TBK1: variants seen among roughly 807,000 people sequenced by gnomAD.
TBK1 encodes the protein serine/threonine-protein kinase TBK1.
In TBK1, 37 loss-of-function variants were observed where a neutral mutation model predicts 99.9. The ratio of observed to expected loss-of-function variants is 0.37; its 90% CI spans 0.28 to 0.49. The LOEUF (loss-of-function observed/expected upper bound fraction) is 0.49, where lower values mean the gene tolerates loss of function less well. Among genes scored for constraint, TBK1 ranks in the 20% least tolerant of loss-of-function variants. TBK1 has a pLI of 0.98. For missense variants in TBK1, 644 were observed against 872.5 expected, an observed-to-expected ratio of 0.74 and a Z score of 3.30; for synonymous variants, 258 against 279.8, an observed-to-expected ratio of 0.92 and a Z score of 0.78.
chr12:64,476,150 CTTTTTT>C (rs59104364), intron 6 of TBK1, among the ~76,000 whole-genome samples: 39 of 51,822 alleles, frequency 7.5e-4, no homozygotes, highest in Admixed American at 1.2e-3. Context: ...GCGTAGTCTT[CTTTTTT>C]TTTTTTTTTT....
At position 64,482,033 on chromosome 12, in the gene TBK1, T is replaced by G; in HGVS notation, c.992+12T>G. The G allele has an allele frequency of 6.8e-7, 1 of 1,475,158 alleles. No individual in the cohort carries two copies. The highest frequency in any genetic ancestry group is 9.1e-7 in the Non-Finnish European group (1 of 1,101,872). 91.4% of individuals were successfully genotyped at this position (1,475,158 alleles called of 1,614,324 possible). On this transcript the variant is annotated intron_variant, in intron 8 of 20. Transcript: ENST00000331710. ...CATAGCTATAATACGTAAGTATCTC[T>G]ATTTTCTTCTTGTATCAACATGTTC...
chr12:64,477,492 A>G (rs1006361716), intron 6 of TBK1, among the ~76,000 whole-genome samples: 18 of 152,180 alleles, frequency 1.2e-4, no homozygotes, highest in African/African-American at 4.3e-4. Flanking sequence ...TGATTGTTCT[A>G]CATTTATTTT....
At chr12:64,499,037 C>CTTTTTTTT (rs763709411) in intron 20 of TBK1, among the ~76,000 whole-genome samples, 1 of 79,258 alleles carries the variant, frequency 1.3e-5, no homozygotes. Flanking sequence ...TAATTTTATT[C>CTTTTTTTT]TTTTTTTTTT....
intron 3 of TBK1, among the ~76,000 whole-genome samples, chr12:64,461,011 G>A (rs1412911962): frequency 6.6e-6 from 1 of 151,598 alleles, no homozygotes; most frequent in African/African-American, 2.4e-5. Flanking sequence ...AGCCTGAGAG[G>A]TCAAGGCTAT....
At chr12:64,458,642 A>G (rs1310851895) in intron 2 of TBK1, among the ~76,000 whole-genome samples, 2 of 152,164 alleles carry the variant, frequency 1.3e-5, no homozygotes, top group Non-Finnish European at 2.9e-5. Flanking sequence ...TCTCACAGGC[A>G]TGATGTAGTC....
In TBK1 at chr12:64,483,889, C is replaced by A. The variant is rs549648006; in HGVS notation, c.993-414C>A. On this transcript the variant is annotated intron_variant, in intron 8 of 20. Transcript: ENST00000331710. ...GGGTGTGGTGGTGCATGTTTGTAAT[C>A]CCAGCTACTCAGGAGGCTGAGGCAC... is the stretch of plus-strand genomic sequence containing the variant. Among the ~76,000 whole-genome samples, 90 of 152,138 alleles carry A rather than the reference C, an allele frequency of 5.9e-4. 1 individual carries two copies. The highest frequency in any genetic ancestry group is 1.8e-4 in the Non-Finnish European group (12 of 68,004).
chr12:64,467,091 T>C lies in TBK1; in HGVS notation c.540+9T>C, dbSNP rs533215475. The C allele has an allele frequency of 5.2e-6, 8 of 1,548,366 alleles. No individual in the cohort carries two copies. The highest frequency in any genetic ancestry group is 1.2e-5 in the South Asian group (1 of 80,928). Reference sequence around the variant, plus strand: ...GCACAGAAGAATATTTGGTAAGTCATGTATCACTAATATTTTCATTTAAAG... The same window carrying C: ...GCACAGAAGAATATTTGGTAAGTCACGTATCACTAATATTTTCATTTAAAG... On this transcript the variant is annotated intron_variant, in intron 5 of 20. Transcript: ENST00000331710.
intron 8 of TBK1, among the ~76,000 whole-genome samples, chr12:64,483,272 TTC>T (rs1375076616): frequency 3.9e-5 from 6 of 152,190 alleles, no homozygotes; most frequent in African/African-American, 1.4e-4. Context: ...CATAAATATA[TTC>T]ATTTCCTATG....
chr12:64,498,957 A>G (rs948720443), intron 20 of TBK1, among the ~76,000 whole-genome samples: 2 of 148,308 alleles, frequency 1.3e-5, no homozygotes, highest in African/African-American at 4.9e-5. Flanking sequence ...CCCTGTTTCA[A>G]AAAAAAAAAA....
chr12:64,455,283 G>A (rs1182028590), intron 1 of TBK1, among the ~76,000 whole-genome samples: 4 of 152,070 alleles, frequency 2.6e-5, no homozygotes, highest in African/African-American at 4.8e-5. Flanking sequence ...ACTGCTCCCA[G>A]CTGAAACTTA....
chr12:64,466,858 T>TCTAC, intron 4 of TBK1, 43 bp from the exon 5 acceptor site: 7 of 1,462,708 alleles, frequency 4.8e-6, no homozygotes, highest in Non-Finnish European at 5.5e-6. Flanking sequence ...CACATACACG[T>TCTAC]AAATATCTAC....
At chr12:64,475,407 A>G (rs968591638) in intron 6 of TBK1, among the ~76,000 whole-genome samples, 15 of 152,154 alleles carry the variant, frequency 9.9e-5, no homozygotes, top group African/African-American at 2.7e-4. Flanking sequence ...AGAAGTGTTC[A>G]GCCCTTGTCT....
intron 11 of TBK1, among the ~76,000 whole-genome samples, chr12:64,486,771 TA>T (rs973830700): frequency 2.0e-5 from 3 of 152,270 alleles, no homozygotes; most frequent in African/African-American, 7.2e-5. Context: ...CATTTAAGCA[TA>T]CAGTTTAATG....
chr12:64,462,316 A>G (rs902433820), intron 3 of TBK1, among the ~76,000 whole-genome samples: 1 of 152,250 alleles, frequency 6.6e-6, no homozygotes, highest in African/African-American at 2.4e-5. Flanking sequence ...GGTAATGAAA[A>G]GAGATATTTA....
chr12:64,471,446 G>C (rs920917713), intron 5 of TBK1, among the ~76,000 whole-genome samples: 1 of 152,070 alleles, frequency 6.6e-6, no homozygotes, highest in Non-Finnish European at 1.5e-5. Flanking sequence ...TCCACCTCCT[G>C]GATTCAAGCA....
chr12:64,495,202 A>C (rs1338768114), intron 13 of TBK1, among the ~76,000 whole-genome samples: 1 of 152,226 alleles, frequency 6.6e-6, no homozygotes, highest in African/African-American at 2.4e-5. Context: ...ATAAGGAAAC[A>C]AGATTAGAAG....
At chr12:64,454,246 T>C (rs1475666054) in intron 1 of TBK1, among the ~76,000 whole-genome samples, 3 of 152,124 alleles carry the variant, frequency 2.0e-5, no homozygotes, top group Non-Finnish European at 4.4e-5. Context: ...GTTGTTTTTG[T>C]TTGTTTTTGT....
At chr12:64,461,096 A>T (rs115291447) in intron 3 of TBK1, among the ~76,000 whole-genome samples, 9 of 151,686 alleles carry the variant, frequency 5.9e-5, no homozygotes, top group African/African-American at 1.9e-4. Context: ...AAAAAGAAAG[A>T]AGGAAATAAA....
intron 4 of TBK1, among the ~76,000 whole-genome samples, chr12:64,465,242 C>CAAAA (rs57575805): frequency 0.025 from 1,413 of 57,518 alleles, 169 homozygotes; most frequent in African/African-American, 0.08. Flanking sequence ...AAGACTATCT[C>CAAAA]AAAAAAAAAA....
Sources: allele counts gnomAD v4.1 joint callset (sites outside exome capture counted in the v4.1 genomes callset), GRCh38; gene constraint gnomAD v4.1.1; transcripts MANE v1.5; gene names NCBI Gene and HGNC (gene_info 2026-07-23, HGNC 2026-07-21).